The following DNASE1 variants were observed in gnomAD, a reference collection of about 807,000 sequenced individuals.
DNASE1 encodes the protein deoxyribonuclease 1, also known as deoxyribonuclease-1.
DNASE1 carries 40 observed loss-of-function variants against 33.9 expected under a neutral mutation model. The observed-to-expected ratio is 1.18, with a 90% CI of 0.92 to 1.54. DNASE1 has a LOEUF of 1.54. DNASE1 is among the 40% of genes most tolerant of loss of function. The pLI, the probability that DNASE1 is intolerant of heterozygous loss-of-function variation, is 0.00. For synonymous variants in DNASE1, 216 were observed against 160.0 expected (o/e 1.35, Z -2.64); for missense variants, 518 against 372.6 (o/e 1.39, Z -3.21).
chr16:3,625,351 T>G (rs113440737), intron 1 of DNASE1, among the ~76,000 whole-genome samples: 44 of 151,406 alleles, frequency 2.9e-4, no homozygotes, highest in African/African-American at 1.0e-3. Flanking sequence ...AGGCATGATG[T>G]TATATTCTTG....
chr16:3,662,258 G>T, downstream of DNASE1: 2 of 1,135,240 alleles, frequency 1.8e-6, no homozygotes, highest in South Asian at 1.6e-5. Flanking sequence ...GACTCCCCTG[G>T]ACCAGCGCTG....
chr16:3,614,369 C>G (rs760417097), intron 1 of DNASE1, among the ~76,000 whole-genome samples: 1 of 152,152 alleles, frequency 6.6e-6, no homozygotes, highest in Non-Finnish European at 1.5e-5. Context: ...AATTTACTTA[C>G]ATTTCTCAAG....
upstream of DNASE1, among the ~76,000 whole-genome samples, chr16:3,650,129 CTA>C (rs1170182614): frequency 6.6e-6 from 1 of 152,092 alleles, no homozygotes; most frequent in Non-Finnish European, 1.5e-5. Flanking sequence ...TGGATATTTA[CTA>C]TATGTCTTTT....
intron 1 of DNASE1, among the ~76,000 whole-genome samples, chr16:3,625,486 C>T (rs1214593933): frequency 6.6e-6 from 1 of 151,944 alleles, no homozygotes; most frequent in Non-Finnish European, 1.5e-5. Flanking sequence ...AATTAGCCAG[C>T]ATGGTAGCAC....
At chr16:3,643,875 C>T (rs1331831740) in intron 1 of DNASE1, among the ~76,000 whole-genome samples, 1 of 152,148 alleles carries the variant, frequency 6.6e-6, no homozygotes, top group East Asian at 1.9e-4. Flanking sequence ...CATTCTCCTG[C>T]CTCAGCCTCC....
intron 5 of DNASE1, 89 bp from the exon 6 acceptor site, chr16:3,656,910 G>GT (rs1310349780): frequency 1.9e-6 from 3 of 1,559,484 alleles, no homozygotes; most frequent in Non-Finnish European, 2.6e-6. Flanking sequence ...ACCCCCCGGG[G>GT]GGACTGTCAT....
intron 1 of DNASE1, among the ~76,000 whole-genome samples, chr16:3,647,273 T>TC (rs2042202266): frequency 6.6e-6 from 1 of 151,496 alleles, no homozygotes; most frequent in African/African-American, 2.4e-5. Flanking sequence ...TTTTTTTTTT[T>TC]TTTTTTTTTC....
intron 1 of DNASE1, among the ~76,000 whole-genome samples, chr16:3,645,838 A>G (rs150630007): frequency 1.4e-4 from 21 of 152,338 alleles, no homozygotes; most frequent in African/African-American, 4.8e-4. Context: ...GGATGGCGCA[A>G]CCAGGCTGGG....
intron 7 of DNASE1, 107 bp from the exon 8 acceptor site, chr16:3,657,613 C>G: frequency 6.7e-7 from 1 of 1,485,800 alleles, no homozygotes; most frequent in Non-Finnish European, 9.2e-7. Context: ...TGGGCACCCA[C>G]AGACCTGCAC....
At chr16:3,651,219 T>C (rs562883753), upstream of DNASE1, 1 of 152,304 alleles carries the variant, frequency 6.6e-6, no homozygotes, top group East Asian at 1.9e-4. Flanking sequence ...GATTTTTCCT[T>C]TATCCTGTAA....
downstream of DNASE1, chr16:3,658,540 G>A (rs986333909): frequency 2.3e-4 from 133 of 573,446 alleles, no homozygotes; most frequent in Middle Eastern, 9.3e-4. Context: ...AATTAGCCAG[G>A]CGCATGCCTG....
chr16:3,658,343 C>A (rs1253577730), downstream of DNASE1: 2 of 823,614 alleles, frequency 2.4e-6, no homozygotes, highest in East Asian at 5.3e-5. Context: ...GGCACGATCT[C>A]GGCTCACTGC....
chr16:3,656,783 C>A (rs779566221), intron 5 of DNASE1, 30 bp downstream of exon 5: 6 of 1,575,302 alleles, frequency 3.8e-6, no homozygotes, highest in East Asian at 2.4e-5. Flanking sequence ...GGGTGGGGCT[C>A]GGCTTGGCGC....
rs2042725589 is a variant in DNASE1, at chr16:3,657,250, T to C, written c.613T>C (p.Ser205Pro). Reference protein sequence around the residue: ...CSYVRPSQWSSIRLWTSPTFQ... With the variant: ...CSYVRPSQWSPIRLWTSPTFQ... ...CTATGTGAGACCCTCCCAGTGGTCA[T>C]CCATCCGCCTGTGGACAAGCCCCAC... Residue 205 changes from serine to proline, a missense_variant, in exon 7 of 9, where the codon TCC (serine) becomes CCC (proline). Transcript: ENST00000246949. 6.2e-7 allele frequency: 1 copy of C among 1,613,972 alleles called. No homozygotes were observed. The highest frequency in any genetic ancestry group is 8.5e-7 in the Non-Finnish European group (1 of 1,180,012).
chr16:3,649,369 C>T (rs1465869976), intron 1 of DNASE1, among the ~76,000 whole-genome samples: 4 of 152,292 alleles, frequency 2.6e-5, no homozygotes, highest in African/African-American at 9.6e-5. Context: ...TGCCTTTTTG[C>T]AGAAGAACAA....
intron 1 of DNASE1, among the ~76,000 whole-genome samples, chr16:3,633,017 T>TTG (rs1188404515): frequency 1.3e-5 from 2 of 152,216 alleles, no homozygotes; most frequent in Non-Finnish European, 2.9e-5. Context: ...TGAGAAAGTC[T>TTG]TTATTTCTGT....
intron 1 of DNASE1, among the ~76,000 whole-genome samples, chr16:3,632,376 AGG>A (rs2041726689): frequency 2.0e-5 from 3 of 152,140 alleles, no homozygotes; most frequent in Admixed American, 1.3e-4. Context: ...TTTTGCTTTG[AGG>A]ATTTTGATGC....
intron 1 of DNASE1, among the ~76,000 whole-genome samples, chr16:3,616,465 A>T (rs1037323412): frequency 7.3e-6 from 1 of 137,296 alleles, no homozygotes; most frequent in African/African-American, 2.8e-5. Flanking sequence ...TACTAAAAAT[A>T]TAAAAATTAG....
exon 10 of DNASE1, chr16:3,663,145 G>T: frequency 1.5e-6 from 1 of 663,654 alleles, no homozygotes; most frequent in Non-Finnish European, 2.5e-6. Flanking sequence ...GTTGCCTGAG[G>T]CCCATACAAC....
Sources: gnomAD v4.1 joint callset for allele counts (sites outside exome capture counted in the v4.1 genomes callset) on GRCh38, gnomAD v4.1.1 for gene constraint, MANE v1.5 for transcripts, NCBI Gene and HGNC (gene_info 2026-07-23, HGNC 2026-07-21) for gene names.